SMYD3: variants seen among roughly 807,000 people sequenced by gnomAD.
SMYD3 encodes the protein SET and MYND domain containing 3, also known as histone-lysine N-methyltransferase SMYD3.
Under a neutral mutation model 57.7 loss-of-function variants are expected in SMYD3, and 36 were observed. That is an observed-to-expected ratio of 0.62 (90% CI 0.48 to 0.82). SMYD3 has a LOEUF of 0.82. SMYD3 is among the 40% of genes least tolerant of loss of function. The probability of loss-of-function intolerance (pLI) is 0.00; values close to 1 mark genes in which losing one functional copy is unlikely to be tolerated. For missense variants in SMYD3, 515 were observed against 538.8 expected (o/e 0.96, Z 0.44); for synonymous variants, 211 against 195.0 (o/e 1.08, Z -0.68).
At chr1:246,270,837 A>T (rs1023939559) in intron 5 of SMYD3, among the ~76,000 whole-genome samples, 1 of 152,202 alleles carries the variant, frequency 6.6e-6, no homozygotes, top group African/African-American at 2.4e-5. Context: ...CATACACATA[A>T]ATGGAATTGC....
intron 10 of SMYD3, among the ~76,000 whole-genome samples, chr1:245,817,500 C>T (rs1353013231): frequency 2.2e-4 from 34 of 152,204 alleles, no homozygotes; most frequent in African/African-American, 7.9e-4. Flanking sequence ...CTCTCCTCCT[C>T]CAAAGGAACG....
chr1:246,281,623 C>T (rs1226809708), intron 5 of SMYD3, among the ~76,000 whole-genome samples: 2 of 152,160 alleles, frequency 1.3e-5, no homozygotes, highest in African/African-American at 4.8e-5. Flanking sequence ...AGTAAAGGCA[C>T]ATAGTAGGCA....
intron 7 of SMYD3, among the ~76,000 whole-genome samples, chr1:245,924,822 C>T (rs1433790393): frequency 6.6e-6 from 1 of 152,032 alleles, no homozygotes; most frequent in African/African-American, 2.4e-5. Context: ...GCCACCACAC[C>T]TGGCTAATTT....
chr1:246,305,376 C>T (rs1338020741), intron 5 of SMYD3, among the ~76,000 whole-genome samples: 1 of 152,096 alleles, frequency 6.6e-6, no homozygotes, highest in African/African-American at 2.4e-5. Flanking sequence ...TTGTTATCTT[C>T]AATGTAACAC....
chr1:246,306,089 A>G (rs1307922519), intron 5 of SMYD3: 1 of 152,172 alleles, frequency 6.6e-6, no homozygotes, highest in Non-Finnish European at 1.5e-5. Context: ...AAAATATTCA[A>G]CAGGATCCCA....
At chr1:245,924,089 T>C (rs2056187734) in intron 7 of SMYD3, among the ~76,000 whole-genome samples, 1 of 152,218 alleles carries the variant, frequency 6.6e-6, no homozygotes, top group South Asian at 2.1e-4. Context: ...CCAATGGCAT[T>C]ATTTGTAACA....
chr1:246,360,363 A>T (rs2065969164), intron 1 of SMYD3, among the ~76,000 whole-genome samples: 1 of 152,230 alleles, frequency 6.6e-6, no homozygotes. Context: ...CAATATTGTG[A>T]AAATGGCCAT....
intron 5 of SMYD3, among the ~76,000 whole-genome samples, chr1:245,940,690 A>G (rs2057205006): frequency 6.6e-6 from 1 of 152,224 alleles, no homozygotes; most frequent in South Asian, 2.1e-4. Context: ...AAAGGTAGAT[A>G]AGCCCACAAA....
chr1:245,989,490 G>C (rs934030802), intron 5 of SMYD3, among the ~76,000 whole-genome samples: 3 of 152,240 alleles, frequency 2.0e-5, no homozygotes, highest in Admixed American at 2.0e-4. Flanking sequence ...CCAGCTTGCT[G>C]CACATGTCCA....
chr1:246,376,316 C>T (rs1222746410), intron 1 of SMYD3, among the ~76,000 whole-genome samples: 2 of 151,984 alleles, frequency 1.3e-5, no homozygotes. Context: ...AAGCAGGGCA[C>T]AGTAGCTTTG....
chr1:245,803,237 C>T (rs1046730925), intron 10 of SMYD3, among the ~76,000 whole-genome samples: 20 of 152,232 alleles, frequency 1.3e-4, no homozygotes, highest in African/African-American at 4.8e-4. Context: ...TGCAAGCACT[C>T]TGTCATTTGC....
chr1:246,507,104 G>A lies in SMYD3; in HGVS notation c.114C>T (p.Tyr38=), dbSNP rs572349883. The A allele has an allele frequency of 2.0e-6, 3 of 1,532,252 alleles. No homozygotes were observed. The South Asian group carries it at 3.7e-5, about 19-fold the overall frequency. 94.9% of individuals were successfully genotyped at this position (1,532,252 alleles called of 1,614,324 possible). A position where few individuals can be genotyped will look rare whatever the true frequency, so the allele number is the denominator to read the frequency against. The change falls in exon 1 of 12, where the codon TAC becomes TAT. Residue 38 remains tyrosine, a synonymous_variant. Transcript: ENST00000490107. ...CGCCACGACTCCCCTTGCACACCGT[G>A]TACGCCAAGGGATCCGAGCGGAAGA... ...ELLFRSDPLA[Y]TVCKGSRGVV...
At chr1:246,381,192 C>G (rs549809012) in intron 1 of SMYD3, among the ~76,000 whole-genome samples, 12 of 152,314 alleles carry the variant, frequency 7.9e-5, no homozygotes, top group African/African-American at 2.9e-4. Context: ...CTGGCCAGAA[C>G]TCAGTCACAT....
At chr1:246,173,259 G>A (rs568786900) in intron 5 of SMYD3, among the ~76,000 whole-genome samples, 1 of 151,668 alleles carries the variant, frequency 6.6e-6, no homozygotes, top group East Asian at 1.9e-4. Flanking sequence ...CACCGGCCTA[G>A]AACACTCACT....
intron 5 of SMYD3, among the ~76,000 whole-genome samples, chr1:246,054,812 T>C (rs2060120730): frequency 6.9e-6 from 1 of 145,310 alleles, no homozygotes; most frequent in Non-Finnish European, 1.5e-5. Context: ...TAGTAATCAT[T>C]AGGAAAATGC....
Position 246,264,256 on chromosome 1 carries a change from C to T in SMYD3, c.531+62945G>A, listed in dbSNP as rs139475210. On this transcript the variant is annotated intron_variant, in intron 5 of 11. Coordinates refer to ENST00000490107, the MANE Select transcript of SMYD3 (RefSeq NM_001167740.2). Reference sequence around the variant, plus strand: ...GAATATAATAATTCAATACAGTCATCTTCCTAAGGGTCCATTTTAAGCATC... The same window carrying T: ...GAATATAATAATTCAATACAGTCATTTTCCTAAGGGTCCATTTTAAGCATC... Among the ~76,000 whole-genome samples the T allele has an allele frequency of 2.6e-5, 4 of 152,284 alleles. No homozygotes were observed. In the East Asian group the frequency reaches 7.7e-4, roughly 29 times the overall value.
intron 10 of SMYD3, among the ~76,000 whole-genome samples, chr1:245,798,248 G>A (rs915266907): frequency 6.6e-6 from 1 of 151,684 alleles, no homozygotes; most frequent in Non-Finnish European, 1.5e-5. Flanking sequence ...GTGTCGAGCT[G>A]GTCTGCAGTC....
intron 5 of SMYD3, among the ~76,000 whole-genome samples, chr1:246,091,445 G>T (rs1214363625): frequency 1.3e-5 from 2 of 149,992 alleles, no homozygotes; most frequent in Non-Finnish European, 2.9e-5. Context: ...CCTCTCTATA[G>T]AGAGAGAGCT....
chr1:246,445,632 G>A (rs1328019296), intron 1 of SMYD3, among the ~76,000 whole-genome samples: 1 of 152,110 alleles, frequency 6.6e-6, no homozygotes. Flanking sequence ...ACTTAGGAGG[G>A]CTGAGTTAGA....
Sources: gnomAD v4.1 joint callset for allele counts (sites outside exome capture counted in the v4.1 genomes callset) on GRCh38, gnomAD v4.1.1 for gene constraint, MANE v1.5 for transcripts, NCBI Gene and HGNC (gene_info 2026-07-23, HGNC 2026-07-21) for gene names.